The following DLC1 variants were observed in gnomAD, a reference collection of about 807,000 sequenced individuals.
The protein encoded by DLC1 is DLC1 Rho GTPase activating protein.
In DLC1, 54 loss-of-function variants were observed where a neutral mutation model predicts 140.3. The ratio of observed to expected loss-of-function variants is 0.38; its 90% CI spans 0.31 to 0.48. The LOEUF is 0.48. Among genes scored for constraint, DLC1 ranks in the 20% least tolerant of loss-of-function variants. DLC1 has a pLI of 0.96. For synonymous variants in DLC1, 986 were observed against 728.1 expected (o/e 1.35, Z -5.70); for missense variants, 2,536 against 1,907.0 (o/e 1.33, Z -6.14).
rs1365895364 is a variant in DLC1 at position 13,276,302 on chromosome 8, C to T, written c.1348+28967G>A. 3 of 1,535,438 alleles carry T rather than the reference C, an allele frequency of 2.0e-6. No individual in the cohort carries two copies. In the African/African-American group the frequency reaches 4.1e-5, roughly 21 times the overall value. On this transcript the variant is annotated intron_variant, in intron 5 of 17. Transcript: ENST00000276297. Reference sequence around the variant, plus strand: ...CTCTAGTGTTTTTCCAAATGACATCCAGGGCTCTGGCCGTGGAGTCCCTGA... The same window carrying T: ...CTCTAGTGTTTTTCCAAATGACATCTAGGGCTCTGGCCGTGGAGTCCCTGA...
intron 2 of DLC1, among the ~76,000 whole-genome samples, chr8:13,411,365 A>G (rs1359250950): frequency 2.0e-5 from 3 of 152,190 alleles, no homozygotes; most frequent in Non-Finnish European, 2.9e-5. Context: ...AGGCAAAACT[A>G]TGGAGAGGGT....
intron 5 of DLC1, among the ~76,000 whole-genome samples, chr8:13,269,646 T>C (rs921501149): frequency 5.6e-5 from 8 of 142,356 alleles, no homozygotes; most frequent in African/African-American, 2.1e-4. Flanking sequence ...CAAGGCTGCA[T>C]TGAGCTATGA....
intron 1 of DLC1, among the ~76,000 whole-genome samples, chr8:13,503,649 C>G (rs1007092365): frequency 2.0e-5 from 3 of 152,274 alleles, no homozygotes; most frequent in East Asian, 1.9e-4. Context: ...TGGCTGAAAT[C>G]AAGTGTTCAG....
intron 1 of DLC1, among the ~76,000 whole-genome samples, chr8:13,548,850 G>A (rs928011402): frequency 2.6e-5 from 4 of 151,948 alleles, no homozygotes; most frequent in African/African-American, 9.7e-5. Context: ...TTACATTTCT[G>A]ACAACAGAAT....
intron 5 of DLC1, among the ~76,000 whole-genome samples, chr8:13,296,462 T>G (rs987802058): frequency 6.6e-5 from 10 of 152,232 alleles, no homozygotes; most frequent in African/African-American, 2.4e-4. Flanking sequence ...CTCTTCATGC[T>G]GCTGATAGCC....
chr8:13,490,730 C>G (rs916003733), intron 2 of DLC1, among the ~76,000 whole-genome samples: 1 of 152,094 alleles, frequency 6.6e-6, no homozygotes, highest in African/African-American at 2.4e-5. Context: ...ACAATTGGCT[C>G]TGAAGTAACC....
chr8:13,247,868 G>T (rs1242229708), intron 5 of DLC1, among the ~76,000 whole-genome samples: 1 of 152,178 alleles, frequency 6.6e-6, no homozygotes, highest in African/African-American at 2.4e-5. Context: ...GCCCCATAGT[G>T]CTATCCATAA....
At chr8:13,183,328 C>T (rs1215627232) in intron 5 of DLC1, among the ~76,000 whole-genome samples, 1 of 152,110 alleles carries the variant, frequency 6.6e-6, no homozygotes, top group Non-Finnish European at 1.5e-5. Flanking sequence ...GCCTGATTGC[C>T]CTGGCCAGAA....
chr8:13,274,025 G>C (rs1377481365), intron 5 of DLC1, among the ~76,000 whole-genome samples: 1 of 152,132 alleles, frequency 6.6e-6, no homozygotes, highest in African/African-American at 2.4e-5. Context: ...ATAAAGAAAA[G>C]GGTTTGGACT....
In DLC1 at chr8:13,475,063, T is replaced by A. The variant is rs139838588; in HGVS notation, c.1023+23986A>T. Among the ~76,000 whole-genome samples, 19 of 152,082 alleles carry A rather than the reference T, an allele frequency of 1.2e-4. No individual in the cohort carries two copies. In the East Asian group the frequency reaches 3.7e-3, roughly 29 times the overall value. ...CCTGGACTCAAGTGATCCATCCACT[T>A]CAGCCTCCCTAAGTGCCAGGATTAC... is the stretch of plus-strand genomic sequence containing the variant. On this transcript the variant is annotated intron_variant, in intron 2 of 17. Coordinates refer to ENST00000276297, the MANE Select transcript of DLC1 (RefSeq NM_182643.3).
At chr8:13,347,937 A>G (rs1834432808) in intron 4 of DLC1, among the ~76,000 whole-genome samples, 1 of 152,072 alleles carries the variant, frequency 6.6e-6, no homozygotes, top group Non-Finnish European at 1.5e-5. Context: ...AAAATATAAA[A>G]AATTAGCCGG....
intron 1 of DLC1, among the ~76,000 whole-genome samples, chr8:13,562,935 T>C (rs1451090763): frequency 6.6e-6 from 1 of 151,396 alleles, no homozygotes; most frequent in East Asian, 1.9e-4. Context: ...CATAAAGCAA[T>C]GTGTAGAGTA....
At chr8:13,399,314 G>A (rs2117243163) in intron 3 of DLC1, among the ~76,000 whole-genome samples, 1 of 152,182 alleles carries the variant, frequency 6.6e-6, no homozygotes, top group East Asian at 1.9e-4. Context: ...GGTTTCTAAT[G>A]TAGCAGAATG....
chr8:13,468,512 T>C (rs1800054279), intron 2 of DLC1, among the ~76,000 whole-genome samples: 1 of 151,544 alleles, frequency 6.6e-6, no homozygotes, highest in Admixed American at 6.6e-5. Context: ...TAGCTAGGAC[T>C]ACAGATGTGC....
At chr8:13,215,806 C>T (rs192891142) in intron 5 of DLC1, among the ~76,000 whole-genome samples, 36 of 152,210 alleles carry the variant, frequency 2.4e-4, no homozygotes, top group African/African-American at 6.7e-4. Flanking sequence ...ATTTTTCACT[C>T]GTAATCTTTC....
At chr8:13,438,643 C>A (rs771143476) in intron 2 of DLC1, among the ~76,000 whole-genome samples, 7 of 152,182 alleles carry the variant, frequency 4.6e-5, no homozygotes, top group Non-Finnish European at 7.3e-5. Context: ...GTTTTCCAAA[C>A]TTCCCACATT....
At chr8:13,171,153 T>C (rs570987276) in intron 5 of DLC1, among the ~76,000 whole-genome samples, 41 of 152,332 alleles carry the variant, frequency 2.7e-4, no homozygotes, top group East Asian at 5.8e-4. Flanking sequence ...TCCCCTCTAG[T>C]TGCAATTAGA....
chr8:13,146,121 A>C (rs1056340444), intron 5 of DLC1, among the ~76,000 whole-genome samples: 3 of 152,076 alleles, frequency 2.0e-5, no homozygotes, highest in Non-Finnish European at 4.4e-5. Flanking sequence ...AAAAACACAA[A>C]AAAATTAGCC....
intron 3 of DLC1, among the ~76,000 whole-genome samples, chr8:13,398,695 A>G (rs11203482): frequency 0.24 from 35,777 of 151,788 alleles, 4,843 homozygotes; most frequent in Admixed American, 0.29. Flanking sequence ...GGTGAGGACT[A>G]GTAGGAACAG....
Sources: allele counts gnomAD v4.1 joint callset (sites outside exome capture counted in the v4.1 genomes callset), GRCh38; gene constraint gnomAD v4.1.1; transcripts MANE v1.5; gene names NCBI Gene and HGNC (gene_info 2026-07-23, HGNC 2026-07-21).